ACTR3B: variants seen among roughly 807,000 people sequenced by gnomAD.
The protein encoded by ACTR3B is actin-related protein 3B.
ACTR3B carries 8 observed loss-of-function variants against 59.0 expected under a neutral mutation model. The observed-to-expected ratio is 0.14, with a 90% CI of 0.08 to 0.24. ACTR3B has a LOEUF of 0.24. Among genes scored for constraint, ACTR3B ranks in the 10% least tolerant of loss-of-function variants. ACTR3B has a pLI of 1.00. For synonymous variants in ACTR3B, 148 were observed against 197.9 expected, an observed-to-expected ratio of 0.75 and a Z score of 2.12; for missense variants, 245 against 552.3, an observed-to-expected ratio of 0.44 and a Z score of 5.58.
chr7:152,780,893 T>C (rs1329011625), intron 1 of ACTR3B, among the ~76,000 whole-genome samples: 1 of 149,916 alleles, frequency 6.7e-6, no homozygotes, highest in African/African-American at 2.5e-5. Flanking sequence ...TCACCCGGGC[T>C]ACAGGGCAGT....
intron 2 of ACTR3B, among the ~76,000 whole-genome samples, chr7:152,784,906 A>C (rs1325873627): frequency 6.6e-6 from 1 of 152,058 alleles, no homozygotes; most frequent in Non-Finnish European, 1.5e-5. Context: ...ATTGAGGGTT[A>C]GGGCTTCTGC....
intron 1 of ACTR3B, among the ~76,000 whole-genome samples, chr7:152,760,255 T>G (rs1271759754): frequency 1.3e-5 from 2 of 148,554 alleles, no homozygotes; most frequent in Non-Finnish European, 1.5e-5. Flanking sequence ...GTCGCCGGGG[T>G]GGACACCCTG....
chr7:152,782,170 ATAT>A (rs1236612117), intron 1 of ACTR3B, among the ~76,000 whole-genome samples: 4 of 151,814 alleles, frequency 2.6e-5, no homozygotes, highest in African/African-American at 9.7e-5. Context: ...CAAAAATTTA[ATAT>A]TAAGCATATT....
intron 4 of ACTR3B, among the ~76,000 whole-genome samples, chr7:152,802,796 A>C (rs183302143): frequency 3.8e-4 from 58 of 152,304 alleles, no homozygotes; most frequent in African/African-American, 1.4e-3. Flanking sequence ...TAGGATATGA[A>C]GTGTTTTTAA....
intron 9 of ACTR3B, among the ~76,000 whole-genome samples, chr7:152,850,557 G>A (rs116872926): frequency 0.027 from 4,073 of 152,378 alleles, 76 homozygotes; most frequent in Middle Eastern, 0.1. Flanking sequence ...CTTCTGCCCC[G>A]TTTCATTCTT....
At chr7:152,830,095 G>A (rs1320946539) in intron 9 of ACTR3B, among the ~76,000 whole-genome samples, 2 of 152,224 alleles carry the variant, frequency 1.3e-5, no homozygotes, top group Non-Finnish European at 2.9e-5. Flanking sequence ...GGGACAGATT[G>A]CATTTAATTA....
intron 9 of ACTR3B, among the ~76,000 whole-genome samples, chr7:152,832,084 G>A (rs1263120314): frequency 2.0e-5 from 3 of 152,196 alleles, no homozygotes; most frequent in Non-Finnish European, 2.9e-5. Context: ...GACAGTGCCC[G>A]TATTGGGAAA....
At position 152,796,073 on chromosome 7, in the gene ACTR3B, G is replaced by C. The variant is rs189298574; in HGVS notation, c.101-4458G>C. On this transcript the variant is annotated intron_variant, in intron 2 of 11. Coordinates refer to ENST00000256001, the MANE Select transcript of ACTR3B (RefSeq NM_020445.6). ...TTGGTCAGGCTGGTCTTGAACTCCTGATCTCAGGTGATCTACCCGCCTCGA... is the reference window on the plus strand; with the variant it reads ...TTGGTCAGGCTGGTCTTGAACTCCTCATCTCAGGTGATCTACCCGCCTCGA... Among the ~76,000 whole-genome samples the C allele has an allele frequency of 7.2e-5, 11 of 152,206 alleles. No individual in the cohort carries two copies. The East Asian group carries it at 2.1e-3, about 29-fold the overall frequency.
At chr7:152,817,084 T>C (rs1795755551) in intron 6 of ACTR3B, among the ~76,000 whole-genome samples, 1 of 150,168 alleles carries the variant, frequency 6.7e-6, no homozygotes, top group African/African-American at 2.4e-5. Flanking sequence ...TTGCTTTTTG[T>C]TTTAAAAATT....
intron 9 of ACTR3B, among the ~76,000 whole-genome samples, chr7:152,841,860 G>A (rs1333544711): frequency 2.6e-5 from 4 of 152,130 alleles, no homozygotes; most frequent in African/African-American, 9.7e-5. Flanking sequence ...CCATCACTTG[G>A]TATTATGTTG....
intron 1 of ACTR3B, 24 bp downstream of exon 1, chr7:152,759,950 C>T: frequency 2.2e-6 from 3 of 1,348,568 alleles, no homozygotes; most frequent in Non-Finnish European, 2.9e-6. Context: ...GGCGCCCACC[C>T]CCGCTCCTCC....
intron 5 of ACTR3B, among the ~76,000 whole-genome samples, chr7:152,816,090 G>A: frequency 6.6e-6 from 1 of 152,140 alleles, no homozygotes; most frequent in Non-Finnish European, 1.5e-5. Context: ...GGGAGTACAC[G>A]TGCGTGTCAC....
At chr7:152,828,913 G>A (rs967470840) in intron 9 of ACTR3B, among the ~76,000 whole-genome samples, 2 of 152,060 alleles carry the variant, frequency 1.3e-5, no homozygotes, top group South Asian at 2.1e-4. Context: ...CCACACCTGC[G>A]CCTTGAGGTG....
At chr7:152,767,747 C>G (rs2098114482) in intron 1 of ACTR3B, among the ~76,000 whole-genome samples, 2 of 151,844 alleles carry the variant, frequency 1.3e-5, no homozygotes, top group African/African-American at 2.4e-5. Flanking sequence ...ATAAATGGTG[C>G]CTTCTCTTCC....
chr7:152,761,595 C>T (rs898903795), intron 1 of ACTR3B, among the ~76,000 whole-genome samples: 4 of 152,142 alleles, frequency 2.6e-5, no homozygotes, highest in African/African-American at 4.8e-5. Flanking sequence ...GGAGATTCAA[C>T]TTCTATAGAT....
intron 4 of ACTR3B, among the ~76,000 whole-genome samples, chr7:152,806,547 C>T (rs1408964835): frequency 6.6e-6 from 1 of 152,202 alleles, no homozygotes; most frequent in Non-Finnish European, 1.5e-5. Flanking sequence ...AACAATCTCT[C>T]TACTCTAGTG....
At chr7:152,793,895 C>T (rs1191493741) in intron 2 of ACTR3B, among the ~76,000 whole-genome samples, 3 of 151,754 alleles carry the variant, frequency 2.0e-5, no homozygotes, top group Non-Finnish European at 4.4e-5. Flanking sequence ...AGTTGAGGTT[C>T]TCCTTTTGGC....
Position 152,809,687 on chromosome 7 carries a change from T to TA in ACTR3B, c.337-4862dup, listed in dbSNP as rs1315642456. 1.4e-4 allele frequency among the ~76,000 whole-genome samples: 21 copies of TA among 151,906 alleles called. 1 individual carries two copies. ...CCTCCTGAGTAGCTAGGACTACAGG[T>TA]ATGTGCCACCACGCCTGGCTAATTT... On this transcript the variant is annotated intron_variant, in intron 4 of 11. Transcript: ENST00000256001.
chr7:152,780,208 G>T (rs2310886), intron 1 of ACTR3B, among the ~76,000 whole-genome samples: 2 of 151,414 alleles, frequency 1.3e-5, no homozygotes, highest in African/African-American at 2.4e-5. Context: ...AAAATTAGCC[G>T]GGTGTGGTGG....
Sources: gnomAD v4.1 joint callset for allele counts (sites outside exome capture counted in the v4.1 genomes callset) on GRCh38, gnomAD v4.1.1 for gene constraint, MANE v1.5 for transcripts, NCBI Gene and HGNC (gene_info 2026-07-23, HGNC 2026-07-21) for gene names.